The following NEGR1 variants were observed in gnomAD, a reference collection of about 807,000 sequenced individuals.
NEGR1 encodes IgLON family member 4.
Under a neutral mutation model 40.9 loss-of-function variants are expected in NEGR1, and 10 were observed. The observed-to-expected ratio is 0.24, with a 90% CI of 0.15 to 0.42. The LOEUF (loss-of-function observed/expected upper bound fraction) is 0.42, where lower values mean the gene tolerates loss of function less well. Among genes scored for constraint, NEGR1 ranks in the 10% least tolerant of loss-of-function variants. The pLI is 1.00. For missense variants in NEGR1, 352 were observed against 438.9 expected (o/e 0.80, Z 1.77); for synonymous variants, 185 against 166.8 (o/e 1.11, Z -0.84).
At position 71,925,631 on chromosome 1, in the gene NEGR1, T is replaced by C. The variant is rs938656030; in HGVS notation, c.409+9448A>G. ...AAAATGTTATCTTTGCTTTACATAA[T>C]GGTTACAAGGAGTATTGTCAGTTGG... On this transcript the variant is annotated intron_variant, in intron 2 of 6. Transcript: ENST00000357731. Among the ~76,000 whole-genome samples the C allele has an allele frequency of 2.6e-5, 4 of 152,134 alleles. No homozygotes were observed. The East Asian group carries it at 7.7e-4, about 29-fold the overall frequency.
intron 4 of NEGR1, among the ~76,000 whole-genome samples, chr1:71,683,658 T>G (rs7537964): frequency 6.6e-6 from 1 of 151,958 alleles, no homozygotes; most frequent in African/African-American, 2.4e-5. Context: ...AATAAAAGAC[T>G]ATTAAAATTA....
intron 1 of NEGR1, among the ~76,000 whole-genome samples, chr1:72,143,591 T>C (rs547098227): frequency 6.6e-6 from 1 of 151,742 alleles, no homozygotes; most frequent in East Asian, 1.9e-4. Flanking sequence ...TTGCAAAAAT[T>C]ATATTAATTC....
chr1:71,840,939 G>A (rs902303158), intron 2 of NEGR1, among the ~76,000 whole-genome samples: 5 of 152,148 alleles, frequency 3.3e-5, no homozygotes, highest in Non-Finnish European at 7.3e-5. Flanking sequence ...AACTCATGGC[G>A]AGCAGCCTTT....
intron 3 of NEGR1, among the ~76,000 whole-genome samples, chr1:71,708,700 A>G (rs1653982968): frequency 6.6e-6 from 1 of 152,114 alleles, no homozygotes; most frequent in African/African-American, 2.4e-5. Flanking sequence ...TCATCCCATC[A>G]CCACATATTA....
chr1:71,571,642 A>C (rs1243682774), intron 6 of NEGR1, among the ~76,000 whole-genome samples: 1 of 152,032 alleles, frequency 6.6e-6, no homozygotes, highest in Non-Finnish European at 1.5e-5. Flanking sequence ...ATACAAAAAA[A>C]TTTAGCCAGA....
chr1:72,222,251 A>G (rs563387206), intron 1 of NEGR1, among the ~76,000 whole-genome samples: 1 of 152,224 alleles, frequency 6.6e-6, no homozygotes, highest in Admixed American at 6.5e-5. Context: ...ACCCCTGCAA[A>G]CCTAAAAAAC....
chr1:71,667,614 T>C (rs1652286356), intron 4 of NEGR1, among the ~76,000 whole-genome samples: 1 of 152,190 alleles, frequency 6.6e-6, no homozygotes, highest in East Asian at 1.9e-4. Context: ...CTTCATAATT[T>C]TGTTCAAGGC....
chr1:71,535,554 CCA>C (rs1277102604), intron 6 of NEGR1, among the ~76,000 whole-genome samples: 1 of 151,532 alleles, frequency 6.6e-6, no homozygotes, highest in Non-Finnish European at 1.5e-5. Flanking sequence ...ATTTTTTTCC[CCA>C]CGTAGGCCAA....
At chr1:71,797,313 C>A (rs947728662) in intron 2 of NEGR1, among the ~76,000 whole-genome samples, 1 of 152,096 alleles carries the variant, frequency 6.6e-6, no homozygotes, top group Non-Finnish European at 1.5e-5. Context: ...CTGTTTTTCA[C>A]TAAACCTTGT....
intron 1 of NEGR1, among the ~76,000 whole-genome samples, chr1:71,957,612 G>A (rs1033206561): frequency 6.6e-6 from 1 of 152,226 alleles, no homozygotes; most frequent in East Asian, 1.9e-4. Flanking sequence ...TTAACTTTTT[G>A]TGAGCAAAAT....
intron 2 of NEGR1, among the ~76,000 whole-genome samples, chr1:71,793,808 T>TAA (rs898787949): frequency 6.6e-5 from 10 of 152,044 alleles, no homozygotes; most frequent in Admixed American, 6.5e-4. Flanking sequence ...TATATATATA[T>TAA]AATCATGTCA....
At chr1:72,114,402 C>T (rs1649502067) in intron 1 of NEGR1, among the ~76,000 whole-genome samples, 1 of 151,644 alleles carries the variant, frequency 6.6e-6, no homozygotes, top group Non-Finnish European at 1.5e-5. Flanking sequence ...CAAGCCTCCA[C>T]AATCACATGA....
chr1:71,729,801 C>T (rs1322262634), intron 3 of NEGR1, among the ~76,000 whole-genome samples: 1 of 150,030 alleles, frequency 6.7e-6, no homozygotes, highest in Non-Finnish European at 1.5e-5. Context: ...TCATGCCTGG[C>T]TAATTTTTGT....
intron 1 of NEGR1, among the ~76,000 whole-genome samples, chr1:72,041,623 C>T (rs17092217): frequency 0.17 from 25,292 of 149,632 alleles, 2,793 homozygotes; most frequent in East Asian, 0.44. Flanking sequence ...TTGTGACCCT[C>T]CGTACCTCAA....
chr1:71,974,645 T>A (rs1646286270), intron 1 of NEGR1, among the ~76,000 whole-genome samples: 1 of 152,186 alleles, frequency 6.6e-6, no homozygotes, highest in African/African-American at 2.4e-5. Context: ...TTCTGAATCC[T>A]ATACAAATAA....
At chr1:71,440,377 T>C (rs1448602114) in intron 6 of NEGR1, among the ~76,000 whole-genome samples, 1 of 152,188 alleles carries the variant, frequency 6.6e-6, no homozygotes, top group Non-Finnish European at 1.5e-5. Context: ...ATAAAGTAAT[T>C]GCTATTTGAT....
chr1:71,767,204 C>A (rs1656164526), intron 3 of NEGR1, among the ~76,000 whole-genome samples: 1 of 152,114 alleles, frequency 6.6e-6, no homozygotes, highest in Non-Finnish European at 1.5e-5. Context: ...CAAAAGAAGA[C>A]AGGAAGATGA....
intron 1 of NEGR1, among the ~76,000 whole-genome samples, chr1:72,086,228 A>G (rs1648217238): frequency 6.6e-6 from 1 of 152,162 alleles, no homozygotes; most frequent in Non-Finnish European, 1.5e-5. Flanking sequence ...ATTATTGACA[A>G]AACTATCAAT....
At chr1:72,134,863 G>A (rs963467984) in intron 1 of NEGR1, among the ~76,000 whole-genome samples, 4 of 150,916 alleles carry the variant, frequency 2.7e-5, no homozygotes, top group Admixed American at 1.3e-4. Flanking sequence ...TCAGCCTCCC[G>A]AGTAGCTGAG....
Sources: gnomAD v4.1 joint callset for allele counts (sites outside exome capture counted in the v4.1 genomes callset) on GRCh38, gnomAD v4.1.1 for gene constraint, MANE v1.5 for transcripts, NCBI Gene and HGNC (gene_info 2026-07-23, HGNC 2026-07-21) for gene names.